Variants in IGF1R observed in about 807,000 individuals in gnomAD.
IGF1R encodes the protein insulin-like growth factor 1 receptor.
IGF1R carries 44 observed loss-of-function variants against 144.6 expected under a neutral mutation model. The ratio of observed to expected loss-of-function variants is 0.30; its 90% CI spans 0.24 to 0.39. The LOEUF is 0.39. IGF1R is among the 10% of genes least tolerant of loss of function. IGF1R has a pLI of 1.00. For missense variants in IGF1R, 1,355 were observed against 1,833.7 expected, an observed-to-expected ratio of 0.74 and a Z score of 4.77; for synonymous variants, 795 against 722.8, an observed-to-expected ratio of 1.10 and a Z score of -1.60.
At chr15:98,886,380 T>C (rs1303852307) in intron 2 of IGF1R, among the ~76,000 whole-genome samples, 1 of 152,196 alleles carries the variant, frequency 6.6e-6, no homozygotes, top group South Asian at 2.1e-4. Flanking sequence ...CTTTTAGTGG[T>C]GGATGTGGGA....
At chr15:98,696,825 G>A (rs1285217216) in intron 1 of IGF1R, among the ~76,000 whole-genome samples, 1 of 152,128 alleles carries the variant, frequency 6.6e-6, no homozygotes. Context: ...TGATGGGATT[G>A]GCCTTCATGG....
At chr15:98,686,305 C>G (rs2053326283) in intron 1 of IGF1R, among the ~76,000 whole-genome samples, 1 of 152,208 alleles carries the variant, frequency 6.6e-6, no homozygotes, top group Non-Finnish European at 1.5e-5. Context: ...GGTATATATG[C>G]TTATCCATTT....
chr15:98,919,579 T>G (rs2015401884), intron 10 of IGF1R, among the ~76,000 whole-genome samples: 1 of 152,170 alleles, frequency 6.6e-6, no homozygotes, highest in African/African-American at 2.4e-5. Context: ...ATTGGTGGTG[T>G]TGGGTTCAAA....
intron 2 of IGF1R, among the ~76,000 whole-genome samples, chr15:98,786,406 A>T (rs2055998031): frequency 6.6e-6 from 1 of 152,174 alleles, no homozygotes; most frequent in African/African-American, 2.4e-5. Flanking sequence ...CAAAGAAGAA[A>T]ACACCTCTAG....
chr15:98,894,068 A>C (rs1567182261), intron 3 of IGF1R, among the ~76,000 whole-genome samples: 1 of 149,152 alleles, frequency 6.7e-6, no homozygotes. Context: ...GATTGGTTCC[A>C]TTTTTTTTTT....
intron 4 of IGF1R, among the ~76,000 whole-genome samples, chr15:98,898,436 A>C (rs1199823512): frequency 2.0e-5 from 3 of 152,162 alleles, no homozygotes; most frequent in Non-Finnish European, 4.4e-5. Context: ...ATTAGAGGGG[A>C]AATTTCCTGA....
intron 2 of IGF1R, among the ~76,000 whole-genome samples, chr15:98,815,473 C>T (rs959534739): frequency 1.3e-5 from 2 of 152,218 alleles, no homozygotes; most frequent in Non-Finnish European, 2.9e-5. Flanking sequence ...CGGGCTGGGC[C>T]CATGCAAACA....
intron 2 of IGF1R, among the ~76,000 whole-genome samples, chr15:98,789,764 T>C (rs1282112198): frequency 6.6e-6 from 1 of 152,102 alleles, no homozygotes; most frequent in Non-Finnish European, 1.5e-5. Context: ...TCTGTGACAG[T>C]GGAGGTGAAC....
chr15:98,771,406 T>C (rs1283246285), intron 2 of IGF1R, among the ~76,000 whole-genome samples: 4 of 152,218 alleles, frequency 2.6e-5, no homozygotes, highest in Non-Finnish European at 2.9e-5. Context: ...TCATAGGGGT[T>C]CTCAGATTCC....
intron 1 of IGF1R, among the ~76,000 whole-genome samples, chr15:98,688,668 A>T (rs1472286672): frequency 1.7e-4 from 26 of 151,610 alleles, no homozygotes; most frequent in Admixed American, 1.2e-3. Context: ...TTTTTTTTTT[A>T]AATCTGTAAA....
chr15:98,730,330 A>C (rs1180059437), intron 2 of IGF1R, among the ~76,000 whole-genome samples: 1 of 152,136 alleles, frequency 6.6e-6, no homozygotes, highest in East Asian at 1.9e-4. Flanking sequence ...TTTTGAAATC[A>C]CTTCTTGTCT....
chr15:98,653,765 A>T (rs1347281208), intron 1 of IGF1R, among the ~76,000 whole-genome samples: 1 of 152,216 alleles, frequency 6.6e-6, no homozygotes, highest in Non-Finnish European at 1.5e-5. Context: ...TTACTAATAA[A>T]AATGTTTCCT....
At chr15:98,888,391 G>T (rs913128730) in intron 2 of IGF1R, among the ~76,000 whole-genome samples, 3 of 151,498 alleles carry the variant, frequency 2.0e-5, no homozygotes, top group Non-Finnish European at 4.4e-5. Flanking sequence ...GGATATATTT[G>T]AAATTATTAA....
chr15:98,662,162 G>C (rs956160797), intron 1 of IGF1R, among the ~76,000 whole-genome samples: 2 of 150,520 alleles, frequency 1.3e-5, no homozygotes, highest in African/African-American at 4.9e-5. Context: ...TTTTTTTCTA[G>C]TAGAGACGGG....
chr15:98,767,457 C>T (rs1450584873), intron 2 of IGF1R, among the ~76,000 whole-genome samples: 1 of 152,108 alleles, frequency 6.6e-6, no homozygotes, highest in Non-Finnish European at 1.5e-5. Context: ...TGCTGTTTTC[C>T]ACCTCTTCGT....
rs141213965 is a variant in IGF1R at position 98,867,222 on chromosome 15, C to T, written c.641-24103C>T. ...TAAACAACTTTAGGAATAGATGATC[C>T]GTAGGCATCAACTTTGCGCAGCAAC... is the stretch of plus-strand genomic sequence containing the variant. On this transcript the variant is annotated intron_variant, in intron 2 of 20. Transcript: ENST00000650285. Among the ~76,000 whole-genome samples, 1,453 of 151,192 alleles carry T rather than the reference C, an allele frequency of 9.6e-3. 10 individuals are homozygous for T. Among genetic ancestry groups the T allele is most frequent in the Non-Finnish European group, 0.016 (1,059 of 67,936 alleles).
At chr15:98,850,666 C>T (rs978837372) in intron 2 of IGF1R, among the ~76,000 whole-genome samples, 1 of 152,060 alleles carries the variant, frequency 6.6e-6, no homozygotes, top group African/African-American at 2.4e-5. Context: ...GCATAACTGG[C>T]AGAGGAAGCA....
intron 1 of IGF1R, among the ~76,000 whole-genome samples, chr15:98,674,977 A>T (rs1189621135): frequency 7.1e-5 from 7 of 98,904 alleles, no homozygotes; most frequent in East Asian, 3.0e-4. Context: ...GTATTTTACA[A>T]TTTTTTTTTT....
intron 2 of IGF1R, among the ~76,000 whole-genome samples, chr15:98,823,003 G>A (rs2056829592): frequency 6.6e-6 from 1 of 152,148 alleles, no homozygotes; most frequent in African/African-American, 2.4e-5. Context: ...TTTTATTGAA[G>A]TCCATCAGTT....
Sources: allele counts gnomAD v4.1 joint callset (sites outside exome capture counted in the v4.1 genomes callset), GRCh38; gene constraint gnomAD v4.1.1; transcripts MANE v1.5; gene names NCBI Gene and HGNC (gene_info 2026-07-23, HGNC 2026-07-21).